Variants in PKP3 observed in about 807,000 individuals in gnomAD.
The protein encoded by PKP3 is plakophilin 3.
A neutral mutation model predicts 76.5 loss-of-function variants in PKP3; 66 were observed. That is an observed-to-expected ratio of 0.86 (90% CI 0.71 to 1.06). The LOEUF is 1.06. Among genes scored for constraint, PKP3 ranks in the 50% least tolerant of loss-of-function variants. The pLI is 0.00. For missense variants in PKP3, 1,338 were observed against 1,141.0 expected (o/e 1.17, Z -2.49); for synonymous variants, 638 against 516.5 (o/e 1.24, Z -3.19).
rs200707616 is a variant in PKP3, at chr11:404,288, T to C, written c.2323T>C (p.Trp775Arg). The C allele has an allele frequency of 1.2e-6, 2 of 1,612,542 alleles. No individual in the cohort carries two copies. The highest frequency in any genetic ancestry group is 1.7e-6 in the Non-Finnish European group (2 of 1,179,842). The change falls in exon 12 of 13, where the codon TGG (tryptophan) becomes CGG (arginine). Residue 775 changes from tryptophan (W) to arginine (R), a missense_variant. Transcript: ENST00000331563. This position sits in a 1 kb window ranked among gnomAD's most constrained non-coding sequence, Gnocchi z 4.2. ...AGCATCCAGCCTCCTGGCCAACCTG[T>C]GGCAGTACAACAAGCTCCACCGTGA... ...RAASSLLANL[W>R]QYNKLHRDFR... is the part of the protein sequence containing the mutation.
At chr11:392,736 C>T (rs1438533424), upstream of PKP3, 2 of 1,205,704 alleles carry the variant, frequency 1.7e-6, no homozygotes, top group Non-Finnish European at 2.2e-6. Context: ...TCCCCACCAC[C>T]CCGACCCCAC....
At position 396,828 on chromosome 11, in the gene PKP3, C is replaced by A; in HGVS notation, c.327C>A (p.Ile109=). The change falls in exon 3 of 13, where the codon ATC becomes ATA. Residue 109 remains isoleucine (I), a synonymous_variant. Transcript: ENST00000331563. ...SGDKTSGFRP[I]AKPAYSPASW... Reference sequence around the variant, plus strand: ...TCGACCCACAGGGCTTCCGGCCCATCGCCAAGCCGGCCTACAGCCCAGCCT... The same window carrying A: ...TCGACCCACAGGGCTTCCGGCCCATAGCCAAGCCGGCCTACAGCCCAGCCT... The A allele has an allele frequency of 1.3e-6, 2 of 1,590,434 alleles. No individual in the cohort carries two copies. The highest frequency in any genetic ancestry group is 8.5e-7 in the Non-Finnish European group (1 of 1,172,928).
chr11:403,886 C>T, intron 10 of PKP3, 57 bp from the exon 11 acceptor site: 1 of 1,559,384 alleles, frequency 6.4e-7, no homozygotes, highest in Non-Finnish European at 8.7e-7. Flanking sequence ...GGCAGGGGAC[C>T]CCAGGTGCCC....
rs774001243 is a variant in PKP3 at position 404,451 on chromosome 11, C to A, written c.2359-83C>A. 2.0e-6 allele frequency: 3 copies of A among 1,522,224 alleles called. No individual in the cohort carries two copies. The highest frequency in any genetic ancestry group is 2.7e-6 in the Non-Finnish European group (3 of 1,097,698). The allele number at this position is 1,522,224 out of a possible 1,614,324, so 94.3% of individuals were successfully genotyped here. A position where few individuals can be genotyped will look rare whatever the true frequency, so the allele number is the denominator to read the frequency against. On this transcript the variant is annotated intron_variant, in intron 12 of 12. Coordinates refer to ENST00000331563, the MANE Select transcript of PKP3 (RefSeq NM_007183.4). This position sits in a 1 kb window ranked among gnomAD's most constrained non-coding sequence, Gnocchi z 4.2. ...CCAGAGAGGAAGGGTCCGGGCCACA[C>A]CCAGCACACTGCAGGAGGGACAGCG...
chr11:403,530 G>A, intron 9 of PKP3, 88 bp from the exon 10 acceptor site: 2 of 1,345,074 alleles, frequency 1.5e-6, no homozygotes, highest in Non-Finnish European at 2.1e-6. Context: ...AGGGTGGCGA[G>A]AGGATGCAGC....
Position 399,206 on chromosome 11 carries a change from G to A in PKP3, c.1273+10G>A. ...CGCAAAAATGTCACAGGTGCTGCCT[G>A]TCCCCTCCTCCACCTGTCCTTCCTC... On this transcript the variant is annotated intron_variant, in intron 5 of 12. Coordinates refer to ENST00000331563, the MANE Select transcript of PKP3 (RefSeq NM_007183.4). The A allele has an allele frequency of 6.5e-7, 1 of 1,545,790 alleles. No individual in the cohort carries two copies. The highest frequency in any genetic ancestry group is 8.8e-7 in the Non-Finnish European group (1 of 1,141,938).
In PKP3 at chr11:403,269, GC is replaced by G; in HGVS notation, c.1923+7del. 6.4e-7 allele frequency: 1 copy of G among 1,565,252 alleles called. No individual in the cohort carries two copies. The highest frequency in any genetic ancestry group is 8.6e-7 in the Non-Finnish European group (1 of 1,161,234). ...TCACGGCAGGCGACCGCAGGGTGGG[GC>G]ACCCAACCCAGACCCGAGGGGGTCC... On this transcript the variant is annotated splice_region_variant and intron_variant, in intron 9 of 12. Transcript: ENST00000331563.
chr11:396,600 C>T lies in PKP3; in HGVS notation c.233-8C>T. 5 of 1,594,588 alleles carry T rather than the reference C, an allele frequency of 3.1e-6. No individual in the cohort carries two copies. The highest frequency in any genetic ancestry group is 4.3e-6 in the Non-Finnish European group (5 of 1,169,512). On this transcript the variant is annotated splice_region_variant and splice_polypyrimidine_tract_variant and intron_variant, in intron 1 of 12. Transcript: ENST00000331563. ...GCAGAGCTGGGCTACCACCGTCCCT[C>T]TCCACAGGCACATCCAGGGGGCAGT...
chr11:403,341 GGGA>G, intron 9 of PKP3, 78 bp downstream of exon 9: 3 of 1,200,612 alleles, frequency 2.5e-6, no homozygotes, highest in Non-Finnish European at 3.5e-6. Flanking sequence ...GGAGAGGGAG[GGGA>G]GGAGGAAGGG....
chr11:403,867 C>T, intron 10 of PKP3, 76 bp from the exon 11 acceptor site: 1 of 1,572,464 alleles, frequency 6.4e-7, no homozygotes, highest in Non-Finnish European at 8.7e-7. Flanking sequence ...AGTCCAGCTC[C>T]CTGGGGGAGG....
In PKP3 at chr11:400,521, GC is replaced by G; in HGVS notation, c.1567-9del. 1 of 1,489,178 alleles carries G rather than the reference GC, an allele frequency of 6.7e-7. No homozygotes were observed. Among genetic ancestry groups the G allele is most frequent in the Non-Finnish European group, 8.9e-7 (1 of 1,125,988 alleles). The allele number at this position is 1,489,178 out of a possible 1,614,324, so 92.2% of individuals were successfully genotyped here. ...GCTCTGACCCGCGCCCCTGCCCCGCGCCCCCGCCCGCAGAGCGTGGAGAACG... is the reference window on the plus strand; with the variant it reads ...GCTCTGACCCGCGCCCCTGCCCCGCGCCCCGCCCGCAGAGCGTGGAGAACG... On this transcript the variant is annotated splice_polypyrimidine_tract_variant and intron_variant, in intron 7 of 12. Coordinates refer to ENST00000331563, the MANE Select transcript of PKP3 (RefSeq NM_007183.4).
At chr11:403,053 G>C in intron 8 of PKP3, 25 bp from the exon 9 acceptor site, 1 of 1,131,716 alleles carries the variant, frequency 8.8e-7, no homozygotes. Context: ...CCCCGACCCC[G>C]CCGACTCCTC....
At chr11:392,903 C>T (rs1010807537), upstream of PKP3, among the ~76,000 whole-genome samples, 6 of 152,180 alleles carry the variant, frequency 3.9e-5, no homozygotes, top group African/African-American at 1.2e-4. Flanking sequence ...CCGGCCCTCA[C>T]GCCAGACCCC....
chr11:403,897 A>G (rs1342742775), intron 10 of PKP3, 46 bp from the exon 11 acceptor site: 5 of 1,565,856 alleles, frequency 3.2e-6, no homozygotes, highest in Non-Finnish European at 3.5e-6. Context: ...CCAGGTGCCC[A>G]GGTGGCCAGG....
At chr11:403,440 G>T (rs1385317310) in intron 9 of PKP3, among the ~76,000 whole-genome samples, 177 bp downstream of exon 9, 1 of 152,142 alleles carries the variant, frequency 6.6e-6, no homozygotes. Flanking sequence ...CCTGCCCTGG[G>T]TTTGAAGGGA....
chr11:403,806 G>C, intron 10 of PKP3, 35 bp downstream of exon 10: 1 of 1,601,206 alleles, frequency 6.2e-7, no homozygotes, highest in Non-Finnish European at 8.5e-7. Context: ...TGCCCTGCTG[G>C]ACCCACATGT....
Position 400,601 on chromosome 11 carries a change from TCCGCGCTGC to T in PKP3, c.1634_1642del (p.Ser545_Gln548delinsTer). On this transcript the variant is annotated stop_gained and inframe_deletion, in exon 8 of 13. Transcript: ENST00000331563. LOFTEE classifies it high-confidence loss of function. ...CCGCCTCTACGACGAGATGCCGCCG[TCCGCGCTGC>T]AGCGGCTGGAGGGTCGCGGCCGCAG... 6.8e-7 allele frequency: 1 copy of T among 1,462,886 alleles called. No individual in the cohort carries two copies. Among genetic ancestry groups the T allele is most frequent in the Non-Finnish European group, 9.0e-7 (1 of 1,116,542 alleles). 90.6% of individuals were successfully genotyped at this position (1,462,886 alleles called of 1,614,324 possible). A position where few individuals can be genotyped will look rare whatever the true frequency, so the allele number is the denominator to read the frequency against.
chr11:394,923 A>G (rs1847026108), intron 1 of PKP3, among the ~76,000 whole-genome samples: 1 of 152,038 alleles, frequency 6.6e-6, no homozygotes, highest in Non-Finnish European at 1.5e-5. Context: ...CGCTCCTCCC[A>G]TACCTCACGG....
chr11:404,181 C>T lies in PKP3; in HGVS notation c.2270+46C>T, dbSNP rs1847213747. On this transcript the variant is annotated intron_variant, in intron 11 of 12. Transcript: ENST00000331563. This position sits in a 1 kb window ranked among gnomAD's most constrained non-coding sequence, Gnocchi z 4.2. ...GCAGCAGCCTGGTCAGGGGTCCTCC[C>T]AGTCCACCCTGCTTTCTGGCTGTGT... 2.5e-6 allele frequency: 4 copies of T among 1,607,656 alleles called. No homozygotes were observed. Among genetic ancestry groups the T allele is most frequent in the East Asian group, 2.2e-5 (1 of 44,858 alleles).
Sources: allele counts gnomAD v4.1 joint callset (sites outside exome capture counted in the v4.1 genomes callset), GRCh38; gene constraint gnomAD v4.1.1; non-coding constraint Gnocchi (gnomAD v3.1); transcripts MANE v1.5; gene names NCBI Gene and HGNC (gene_info 2026-07-23, HGNC 2026-07-21).